Variants in LRCH4 observed in about 807,000 individuals in gnomAD.
The protein encoded by LRCH4 is leucine rich repeats and calponin homology domain containing 4.
In LRCH4, 56 loss-of-function variants were observed where a neutral mutation model predicts 81.2. The observed-to-expected ratio is 0.69, with a 90% CI of 0.56 to 0.86. The LOEUF is 0.86. Ranked by LOEUF, LRCH4 falls within the 40% of genes least tolerant of loss-of-function variation. LRCH4 has a pLI of 0.00. For synonymous variants in LRCH4, 442 were observed against 409.7 expected, an observed-to-expected ratio of 1.08 and a Z score of -0.95; for missense variants, 895 against 922.8, an observed-to-expected ratio of 0.97 and a Z score of 0.39.
rs1237693000 is a variant in LRCH4 at position 100,575,282 on chromosome 7, T to G, written c.1877A>C (p.Asp626Ala). The change falls in exon 18 of 18, where the codon GAT becomes GCT. Residue 626 changes from aspartate to alanine, a missense_variant. Around this residue, in one of 3 missense-constraint regions of LRCH4, gnomAD observed 529 missense variants for 504.9 expected, o/e 1.05. Coordinates refer to ENST00000310300, the MANE Select transcript of LRCH4 (RefSeq NM_002319.5). The surrounding 1 kb of genome is among the most constrained non-coding windows in gnomAD (Gnocchi z 5.3). The part of the protein sequence containing the change: ...VPEADLCSPS[D>A]LLQGTARGLR... Reference sequence around the variant, plus strand: ...CCCCCGGGCAGTGCCCTGGAGGAGATCCGAGGGCGAGCACAGGTCAGCCTG... The same window carrying G: ...CCCCCGGGCAGTGCCCTGGAGGAGAGCCGAGGGCGAGCACAGGTCAGCCTG... 1.3e-6 allele frequency: 2 copies of G among 1,560,658 alleles called. No individual in the cohort carries two copies. The highest frequency in any genetic ancestry group is 1.7e-6 in the Non-Finnish European group (2 of 1,150,606).
Position 100,576,799 on chromosome 7 carries a change from C to G in LRCH4, c.1469-22G>C, listed in dbSNP as rs1040078442. ...GTCGCTGGGGCCGGAACCAGGGACA[C>G]AGCGACAGGGGCAGGTGAGACAGGC... On this transcript the variant is annotated intron_variant, in intron 13 of 17. Coordinates refer to ENST00000310300, the MANE Select transcript of LRCH4 (RefSeq NM_002319.5). The G allele has an allele frequency of 3.8e-6, 6 of 1,569,420 alleles. No homozygotes were observed. The African/African-American group carries it at 8.1e-5, about 21-fold the overall frequency.
chr7:100,575,304 C>T lies in LRCH4; in HGVS notation c.1855G>A (p.Ala619Thr), dbSNP rs756751269. The T allele has an allele frequency of 1.3e-6, 2 of 1,541,390 alleles. No homozygotes were observed. Among genetic ancestry groups the T allele is most frequent in the South Asian group, 1.2e-5 (1 of 84,118 alleles). Residue 619 changes from alanine to threonine, a missense_variant and splice_region_variant, in exon 18 of 18, where the codon GCT (alanine) becomes ACT (threonine). Physicochemically the swap from Ala to Thr is moderately conservative, Grantham distance 58 (BLOSUM62 0). Transcript: ENST00000310300. The surrounding 1 kb of genome is among the most constrained non-coding windows in gnomAD (Gnocchi z 5.3). ...EACRKMGVPE[A>T]DLCSPSDLLQ... The stretch of plus-strand genomic sequence containing the variant: ...AGATCCGAGGGCGAGCACAGGTCAG[C>T]CTGGGGGAGAGGAGAGCAGGTGGAC...
chr7:100,576,991 G>A lies in LRCH4; in HGVS notation c.1379C>T (p.Ser460Phe). ...TQAMHNGSPK[S>F]SASQAGAAAG... Reference sequence around the variant, plus strand: ...TGCAGCCCCTGCTTGGGAGGCACTGGACTTAGGCGAGCCGCTGAGGAGAGA... The same window carrying A: ...TGCAGCCCCTGCTTGGGAGGCACTGAACTTAGGCGAGCCGCTGAGGAGAGA... Residue 460 changes from serine (S) to phenylalanine (F), a missense_variant, in exon 13 of 18, where the codon TCC (serine) becomes TTC (phenylalanine). Coordinates refer to ENST00000310300, the MANE Select transcript of LRCH4 (RefSeq NM_002319.5). 6.2e-7 allele frequency: 1 copy of A among 1,610,920 alleles called. No individual in the cohort carries two copies. The highest frequency in any genetic ancestry group is 8.5e-7 in the Non-Finnish European group (1 of 1,177,766).
chr7:100,577,814 C>G lies in LRCH4; in HGVS notation c.1039+8G>C. On this transcript the variant is annotated splice_region_variant and intron_variant, in intron 8 of 17. Transcript: ENST00000310300. This position sits in a 1 kb window ranked among gnomAD's most constrained non-coding sequence, Gnocchi z 6.7. ...CCAGCCCAGCTCCCGGCCAGCCCTG[C>G]TACTCACCTGAGCCATCCTCCTTGC... 6.2e-7 allele frequency: 1 copy of G among 1,612,822 alleles called. No homozygotes were observed. The highest frequency in any genetic ancestry group is 8.5e-7 in the Non-Finnish European group (1 of 1,178,932).
At position 100,577,001 on chromosome 7, in the gene LRCH4, A is replaced by G. The variant is rs2131164649; in HGVS notation, c.1369T>C (p.Ser457Pro). 6.2e-7 allele frequency: 1 copy of G among 1,612,052 alleles called. No individual in the cohort carries two copies. Among genetic ancestry groups the G allele is most frequent in the Non-Finnish European group, 8.5e-7 (1 of 1,178,410 alleles). Residue 457 changes from serine (S) to proline (P), a missense_variant, in exon 13 of 18, where the codon TCG becomes CCG. Physicochemically the swap from Ser to Pro is moderately conservative, Grantham distance 74 (BLOSUM62 -1). Around this residue, in one of 3 missense-constraint regions of LRCH4, gnomAD observed 529 missense variants for 504.9 expected, o/e 1.05. Transcript: ENST00000310300. The surrounding 1 kb of genome is among the most constrained non-coding windows in gnomAD (Gnocchi z 6.7). ...GCTTGGGAGGCACTGGACTTAGGCGAGCCGCTGAGGAGAGACAGAAGGGAA... is the reference window on the plus strand; with the variant it reads ...GCTTGGGAGGCACTGGACTTAGGCGGGCCGCTGAGGAGAGACAGAAGGGAA... ...AVSTQAMHNG[S>P]PKSSASQAGA...
Position 100,577,139 on chromosome 7 carries a change from C to T in LRCH4, c.1311G>A (p.Gly437=), listed in dbSNP as rs925059641. 3.1e-6 allele frequency: 5 copies of T among 1,613,964 alleles called. No individual in the cohort carries two copies. Among genetic ancestry groups the T allele is most frequent in the Admixed American group, 1.7e-5 (1 of 59,998 alleles). ...CGGCCCCTCCCACAACAGCCCTGAG[C>T]CCTGGCTTCAAGAGGCTGGAACAAG... is the stretch of plus-strand genomic sequence containing the variant. The part of the protein sequence containing the change: ...APRKDSLLKP[G]LRAVVGGAAA... Residue 437 remains glycine, a synonymous_variant, in exon 12 of 18, where the codon GGG becomes GGA. Transcript: ENST00000310300. The surrounding 1 kb of genome is among the most constrained non-coding windows in gnomAD (Gnocchi z 6.7).
Position 100,576,931 on chromosome 7 carries a change from G to C in LRCH4, c.1439C>G (p.Ser480Cys). 6.4e-7 allele frequency: 1 copy of C among 1,569,488 alleles called. No homozygotes were observed. ...TCCAGCTATGGGAAGGGGCTCTTGG[G>C]AGGCAGGGGCAGGGGCGGGGGCTCC... The part of the protein sequence containing the change: ...GQGAPAPAPA[S>C]QEPLPIAGPA... The change falls in exon 13 of 18, where the codon TCC becomes TGC. Residue 480 changes from serine to cysteine, a missense_variant. By Grantham distance (112) the Ser-to-Cys change is moderately radical (BLOSUM62 -1). This residue lies in a region of LRCH4 where 529 missense variants were observed against 504.9 expected (regional missense o/e 1.05). Coordinates refer to ENST00000310300, the MANE Select transcript of LRCH4 (RefSeq NM_002319.5).
rs1801609141 is a variant in LRCH4 at position 100,582,974 on chromosome 7, C to T, written c.221-515G>A. Among the ~76,000 whole-genome samples, 1 of 152,208 alleles carries T rather than the reference C, an allele frequency of 6.6e-6. No homozygotes were observed. The highest frequency in any genetic ancestry group is 6.5e-5 in the Admixed American group (1 of 15,284). On this transcript the variant is annotated intron_variant, in intron 1 of 17. Coordinates refer to ENST00000310300, the MANE Select transcript of LRCH4 (RefSeq NM_002319.5). This position sits in a 1 kb window ranked among gnomAD's most constrained non-coding sequence, Gnocchi z 5.0. ...TCAACACGGGAAAAACCACAGGTCA[C>T]TCTATCTTGGTTCTAGAGATAAAGT...
At chr7:100,580,513 AACATACACAAC>A (rs1443764548) in intron 4 of LRCH4, 2 of 151,568 alleles carry the variant, frequency 1.3e-5, no homozygotes, top group Non-Finnish European at 2.9e-5. Flanking sequence ...CACACACATA[AACATACACAAC>A]ACATACACAC....
At chr7:100,584,468 G>GT (rs1801658957) in intron 1 of LRCH4, among the ~76,000 whole-genome samples, 1 of 151,960 alleles carries the variant, frequency 6.6e-6, no homozygotes, top group South Asian at 2.1e-4. Flanking sequence ...GCTCCGGGTA[G>GT]TTTTCCCCAA....
At chr7:100,581,734 C>G (rs764692333) in intron 4 of LRCH4, 43 bp downstream of exon 4, 2 of 1,565,318 alleles carry the variant, frequency 1.3e-6, no homozygotes, top group Non-Finnish European at 8.8e-7. Context: ...CCAACTGGGA[C>G]GCACATACAA....
At chr7:100,584,066 C>T (rs1312574544) in intron 1 of LRCH4, 1 of 447,776 alleles carries the variant, frequency 2.2e-6, no homozygotes, top group Non-Finnish European at 4.5e-6. Context: ...AGATCAGGGA[C>T]CCAAGACTAG....
chr7:100,577,576 G>T lies in LRCH4; in HGVS notation c.1117-18C>A, dbSNP rs760406062. On this transcript the variant is annotated intron_variant, in intron 9 of 17. Transcript: ENST00000310300. The surrounding 1 kb of genome is among the most constrained non-coding windows in gnomAD (Gnocchi z 6.7). Reference sequence around the variant, plus strand: ...CGCTGCTCCTAAGGAGAGAACAGCAGAGCAGCTGAGGGCAGGCCTGTGCCC... The same window carrying T: ...CGCTGCTCCTAAGGAGAGAACAGCATAGCAGCTGAGGGCAGGCCTGTGCCC... 3 of 1,611,244 alleles carry T rather than the reference G, an allele frequency of 1.9e-6. No homozygotes were observed. Among genetic ancestry groups the T allele is most frequent in the East Asian group, 2.2e-5 (1 of 44,890 alleles).
In LRCH4 at chr7:100,577,668, A is replaced by G. The variant is rs1181470806; in HGVS notation, c.1112T>C (p.Val371Ala). ...GAGGCATAGCTGGGCTCTCACCTCC[A>G]CAGTGCCTCGCTCTTCATCCTCCCC... Reference protein sequence around the residue: ...VPGEDEERGTVEEQRPPELSP... With the variant: ...VPGEDEERGTAEEQRPPELSP... The change falls in exon 9 of 18, where the codon GTG becomes GCG. Residue 371 changes from valine (V) to alanine (A), a missense_variant. Physicochemically the swap from Val to Ala is moderately conservative, Grantham distance 64. Around this residue, in one of 3 missense-constraint regions of LRCH4, gnomAD observed 529 missense variants for 504.9 expected, o/e 1.05. Coordinates refer to ENST00000310300, the MANE Select transcript of LRCH4 (RefSeq NM_002319.5). The surrounding 1 kb of genome is among the most constrained non-coding windows in gnomAD (Gnocchi z 6.7). The G allele has an allele frequency of 6.2e-7, 1 of 1,613,594 alleles. No homozygotes were observed. The highest frequency in any genetic ancestry group is 8.5e-7 in the Non-Finnish European group (1 of 1,179,940).
At chr7:100,585,524 C>T (rs1298236078) in intron 1 of LRCH4, among the ~76,000 whole-genome samples, 1 of 151,590 alleles carries the variant, frequency 6.6e-6, no homozygotes, top group African/African-American at 2.4e-5. Flanking sequence ...ATTAGAGGAG[C>T]TCGTGGGGAC....
chr7:100,575,722 T>A lies in LRCH4; in HGVS notation c.1837A>T (p.Lys613Ter). The A allele has an allele frequency of 6.2e-7, 1 of 1,614,006 alleles. No individual in the cohort carries two copies. The highest frequency in any genetic ancestry group is 8.5e-7 in the Non-Finnish European group (1 of 1,179,928). The change falls in exon 17 of 18, where the codon AAA becomes TAA. Residue 613 changes from lysine (K) to a stop codon, truncating the protein, a stop_gained. Coordinates refer to ENST00000310300, the MANE Select transcript of LRCH4 (RefSeq NM_002319.5). LOFTEE classifies it high-confidence loss of function. The surrounding 1 kb of genome is among the most constrained non-coding windows in gnomAD (Gnocchi z 5.3). ...CCCCATACCTCAGGCACCCCCATTT[T>A]TCGACAGGCTTCTAGAAAACTCTCC... ...NVESFLEACR[K>*]MGVPEADLCS...
chr7:100,577,757 G>T lies in LRCH4; in HGVS notation c.1040-17C>A. The T allele has an allele frequency of 6.2e-7, 1 of 1,614,050 alleles. No homozygotes were observed. Among genetic ancestry groups the T allele is most frequent in the Non-Finnish European group, 8.5e-7 (1 of 1,179,932 alleles). The stretch of plus-strand genomic sequence containing the variant: ...CTCCGTCCGCTGGGGAGGCCAGCAT[G>T]TCAGCAAGTGAGCGGGGACCCAGGC... On this transcript the variant is annotated splice_polypyrimidine_tract_variant and intron_variant, in intron 8 of 17. Coordinates refer to ENST00000310300, the MANE Select transcript of LRCH4 (RefSeq NM_002319.5). The surrounding 1 kb of genome is among the most constrained non-coding windows in gnomAD (Gnocchi z 6.7).
intron 3 of LRCH4, 64 bp from the exon 4 acceptor site, chr7:100,581,946 T>C: frequency 5.0e-6 from 8 of 1,608,908 alleles, no homozygotes; most frequent in Non-Finnish European, 6.8e-6. Flanking sequence ...CACCCTCCCA[T>C]CTCTGTCTTT....
At position 100,581,714 on chromosome 7, in the gene LRCH4, G is replaced by A. The variant is rs1024494075; in HGVS notation, c.598+63C>T. On this transcript the variant is annotated intron_variant, in intron 4 of 17. Transcript: ENST00000310300. ...CCCGGTCTGCAGTGTTTTCGTTACC[G>A]CAGCCTGAGCCAACTGGGACGCACA... is the stretch of plus-strand genomic sequence containing the variant. 46 of 1,453,078 alleles carry A rather than the reference G, an allele frequency of 3.2e-5. No homozygotes were observed. The African/African-American group carries it at 4.5e-4, about 14-fold the overall frequency. The allele number at this position is 1,453,078 out of a possible 1,614,324, so 90.0% of individuals were successfully genotyped here.
Sources: allele counts gnomAD v4.1 joint callset (sites outside exome capture counted in the v4.1 genomes callset), GRCh38; gene constraint gnomAD v4.1.1; regional missense constraint gnomAD v4.1.1; non-coding constraint Gnocchi (gnomAD v3.1); transcripts MANE v1.5; gene names NCBI Gene and HGNC (gene_info 2026-07-23, HGNC 2026-07-21).